The following ATP8B1 variants were observed in gnomAD, a reference collection of about 807,000 sequenced individuals.
ATP8B1 encodes ATPase phospholipid transporting 8B1.
A neutral mutation model predicts 149.9 loss-of-function variants in ATP8B1; 80 were observed. That is an observed-to-expected ratio of 0.53 (90% CI 0.45 to 0.64). ATP8B1 has a LOEUF of 0.64. Ranked by LOEUF, ATP8B1 falls within the 30% of genes least tolerant of loss-of-function variation. The pLI is 0.00. For missense variants in ATP8B1, 1,247 were observed against 1,552.6 expected (o/e 0.80, Z 3.31); for synonymous variants, 536 against 562.8 (o/e 0.95, Z 0.67).
At chr18:57,755,511 A>G (rs2080068325) in intron 1 of ATP8B1, 1 of 152,244 alleles carries the variant, frequency 6.6e-6, no homozygotes, top group Non-Finnish European at 1.5e-5. Flanking sequence ...AAATTAAAAA[A>G]AAAATTAAAA....
chr18:57,777,015 C>T (rs552263867), intron 1 of ATP8B1, among the ~76,000 whole-genome samples: 28 of 149,316 alleles, frequency 1.9e-4, no homozygotes, highest in African/African-American at 6.5e-4. Context: ...GTATCACTGT[C>T]GCCCAGGCTG....
intron 1 of ATP8B1, among the ~76,000 whole-genome samples, chr18:57,773,893 C>T (rs887617091): frequency 3.9e-5 from 6 of 152,178 alleles, no homozygotes; most frequent in Admixed American, 1.3e-4. Context: ...CTCCCTCACC[C>T]GGATTAGAGG....
At chr18:57,738,452 G>A (rs777978498) in intron 1 of ATP8B1, among the ~76,000 whole-genome samples, 9 of 152,020 alleles carry the variant, frequency 5.9e-5, no homozygotes, top group Non-Finnish European at 8.8e-5. Context: ...GTGAAACTCC[G>A]TCCCTATTAA....
rs1376167519 is a variant in ATP8B1 at position 57,661,713 on chromosome 18, A to ATATT, written c.2419-252_2419-251insAATA. 4.6e-3 allele frequency among the ~76,000 whole-genome samples: 426 copies of ATATT among 92,652 alleles called. 4 individuals are homozygous for ATATT. The highest frequency in any genetic ancestry group is 6.1e-3 in the Non-Finnish European group (313 of 51,152). The allele number at this position is 92,652 out of a possible 152,430, so 60.8% of individuals were successfully genotyped here. On this transcript the variant is annotated intron_variant, in intron 21 of 27. Transcript: ENST00000648908. The stretch of plus-strand genomic sequence containing the variant: ...CACACACACATATATATATATATAT[A>ATATT]TTTTTTTTTTTTTTTTTTTTGAGAT...
At chr18:57,731,988 A>G in intron 1 of ATP8B1, 156 bp from the exon 2 acceptor site, 4 of 702,302 alleles carry the variant, frequency 5.7e-6, no homozygotes, top group Non-Finnish European at 9.8e-6. Flanking sequence ...ACATGAAGAC[A>G]AGAACAAAAC....
At chr18:57,704,446 G>T in intron 4 of ATP8B1, 109 bp downstream of exon 4, 1 of 782,428 alleles carries the variant, frequency 1.3e-6, no homozygotes, top group South Asian at 1.5e-5. Context: ...ACAGAACCCT[G>T]ATGCTAATAT....
intron 1 of ATP8B1, among the ~76,000 whole-genome samples, chr18:57,760,134 T>C (rs1253345143): frequency 2.0e-5 from 3 of 152,116 alleles, no homozygotes; most frequent in Non-Finnish European, 4.4e-5. Flanking sequence ...ATCTCTCCAA[T>C]ATACAAAGAT....
intron 12 of ATP8B1, among the ~76,000 whole-genome samples, chr18:57,690,053 A>T (rs918575610): frequency 2.6e-5 from 4 of 152,144 alleles, no homozygotes; most frequent in African/African-American, 9.7e-5. Context: ...ACAAACAAAA[A>T]TCAAAGCAAA....
intron 15 of ATP8B1, among the ~76,000 whole-genome samples, chr18:57,676,717 CAAAAAAAAA>C (rs58101846): frequency 6.5e-5 from 6 of 92,220 alleles, no homozygotes; most frequent in Non-Finnish European, 1.2e-4. Context: ...GACTCCATTT[CAAAAAAAAA>C]AAAAAAAAAA....
intron 2 of ATP8B1, among the ~76,000 whole-genome samples, chr18:57,712,183 C>T (rs1426901326): frequency 6.6e-6 from 1 of 151,652 alleles, no homozygotes; most frequent in Non-Finnish European, 1.5e-5. Context: ...TTATAAAAAC[C>T]AAAAAATCAG....
At chr18:57,735,699 A>C (rs2079844109) in intron 1 of ATP8B1, 2 of 152,118 alleles carry the variant, frequency 1.3e-5, no homozygotes, top group Admixed American at 1.3e-4. Context: ...ACTATTTTAA[A>C]ATTATTTTTT....
intron 2 of ATP8B1, among the ~76,000 whole-genome samples, chr18:57,717,697 A>T (rs1401596984): frequency 6.6e-6 from 1 of 151,450 alleles, no homozygotes; most frequent in Non-Finnish European, 1.5e-5. Flanking sequence ...AATACAAAAG[A>T]TCAATGAAAC....
chr18:57,649,236 A>G (rs1467004944), intron 27 of ATP8B1, among the ~76,000 whole-genome samples: 1 of 151,738 alleles, frequency 6.6e-6, no homozygotes, highest in Non-Finnish European at 1.5e-5. Flanking sequence ...ACATATATAT[A>G]TGATGATATA....
At chr18:57,728,957 C>T (rs319423) in intron 2 of ATP8B1, among the ~76,000 whole-genome samples, 149,604 of 152,126 alleles carry the variant, frequency 0.98, 73,611 homozygotes, top group East Asian at 1. Context: ...TGACCTCAGG[C>T]GATTCAACTT....
intron 16 of ATP8B1, among the ~76,000 whole-genome samples, chr18:57,672,925 TATATATA>T (rs1911329965): frequency 2.2e-5 from 1 of 46,068 alleles, no homozygotes; most frequent in African/African-American, 1.1e-4. Context: ...TATATATATA[TATATATA>T]ACATGTATAT....
At chr18:57,713,360 C>T (rs1913830285) in intron 2 of ATP8B1, among the ~76,000 whole-genome samples, 1 of 150,474 alleles carries the variant, frequency 6.6e-6, no homozygotes, top group Non-Finnish European at 1.5e-5. Context: ...GCAATGGTGT[C>T]ATCTCAGCTC....
rs150617797 is a variant in ATP8B1 at position 57,674,518 on chromosome 18, G to A, written c.1819+316C>T. ...TCCTGTCTCAGCCTCCCGAGTGGCT[G>A]GGACTACAGGTGCCAGCCACCACGC... is the stretch of plus-strand genomic sequence containing the variant. On this transcript the variant is annotated intron_variant, in intron 16 of 27. Coordinates refer to ENST00000648908, the MANE Select transcript of ATP8B1 (RefSeq NM_001374385.1). Among the ~76,000 whole-genome samples, 311 of 151,662 alleles carry A rather than the reference G, an allele frequency of 2.1e-3. 10 individuals carry two copies. The East Asian group carries it at 0.048, about 23-fold the overall frequency.
At chr18:57,781,523 C>T (rs2080356975) in intron 1 of ATP8B1, among the ~76,000 whole-genome samples, 1 of 152,182 alleles carries the variant, frequency 6.6e-6, no homozygotes, top group South Asian at 2.1e-4. Context: ...TGTATTTAGT[C>T]TCCCTGGGCC....
At chr18:57,670,858 C>G (rs1001336406) in intron 17 of ATP8B1, among the ~76,000 whole-genome samples, 2 of 151,864 alleles carry the variant, frequency 1.3e-5, no homozygotes, top group Admixed American at 6.6e-5. Flanking sequence ...AGGTGCCCAC[C>G]ACCACACCCA....
Sources: gnomAD v4.1 joint callset for allele counts (sites outside exome capture counted in the v4.1 genomes callset) on GRCh38, gnomAD v4.1.1 for gene constraint, MANE v1.5 for transcripts, NCBI Gene and HGNC (gene_info 2026-07-23, HGNC 2026-07-21) for gene names.